SLC4A5: variants seen among roughly 807,000 people sequenced by gnomAD.
SLC4A5 encodes electrogenic sodium bicarbonate cotransporter 4.
In SLC4A5, 96 loss-of-function variants were observed where a neutral mutation model predicts 120.4. That is an observed-to-expected ratio of 0.80 (90% confidence interval 0.68 to 0.94). The LOEUF is 0.94. Ranked by LOEUF, SLC4A5 falls within the 40% of genes least tolerant of loss-of-function variation. SLC4A5 has a pLI of 0.00. For synonymous variants in SLC4A5, 550 were observed against 571.1 expected, an observed-to-expected ratio of 0.96 and a Z score of 0.53; for missense variants, 1,259 against 1,459.5, an observed-to-expected ratio of 0.86 and a Z score of 2.24.
chr2:74,271,016 C>T (rs1412506600), intron 8 of SLC4A5, among the ~76,000 whole-genome samples: 1 of 152,196 alleles, frequency 6.6e-6, no homozygotes, highest in Non-Finnish European at 1.5e-5. Context: ...ATTTACAGTA[C>T]ATATTCTACT....
At chr2:74,334,848 G>A (rs973572240) in intron 3 of SLC4A5, among the ~76,000 whole-genome samples, 38 of 152,148 alleles carry the variant, frequency 2.5e-4, no homozygotes, top group Admixed American at 4.6e-4. Context: ...GGCCCACAGG[G>A]AATAGTTAGT....
At chr2:74,228,731 C>T (rs1452590749) in intron 25 of SLC4A5, among the ~76,000 whole-genome samples, 1 of 136,788 alleles carries the variant, frequency 7.3e-6, no homozygotes, top group East Asian at 2.1e-4. Flanking sequence ...AGAAGCAGAA[C>T]AAAAGTGTGT....
chr2:74,341,795 T>C (rs964658431), intron 2 of SLC4A5, among the ~76,000 whole-genome samples: 1 of 152,210 alleles, frequency 6.6e-6, no homozygotes, highest in Non-Finnish European at 1.5e-5. Context: ...GAAGTAGGCA[T>C]GGATGGTAAT....
At chr2:74,229,696 G>A (rs1573005726) in intron 25 of SLC4A5, among the ~76,000 whole-genome samples, 1 of 152,114 alleles carries the variant, frequency 6.6e-6, no homozygotes, top group East Asian at 1.9e-4. Flanking sequence ...CAAAATGCTT[G>A]CCCTCCTGTG....
exon 22 of SLC4A5, chr2:74,235,104 G>C: frequency 6.2e-7 from 1 of 1,613,450 alleles, no homozygotes; most frequent in Non-Finnish European, 8.5e-7. Context: ...GGCAAACCTT[G>C]ATGACACTGG....
intron 12 of SLC4A5, among the ~76,000 whole-genome samples, chr2:74,258,903 C>T (rs1009555629): frequency 1.3e-5 from 2 of 152,298 alleles, no homozygotes; most frequent in South Asian, 2.1e-4. Context: ...GAAGGCTCCT[C>T]GCCAAGTCTC....
At chr2:74,259,688 T>G in intron 11 of SLC4A5, 45 bp from the exon 12 acceptor site, 2 of 1,601,540 alleles carry the variant, frequency 1.2e-6, no homozygotes, top group Non-Finnish European at 1.7e-6. Flanking sequence ...AGCCAGGCTC[T>G]TGCAGGTCCC....
intron 7 of SLC4A5, among the ~76,000 whole-genome samples, chr2:74,291,462 C>T (rs1038922053): frequency 5.3e-5 from 8 of 152,136 alleles, no homozygotes; most frequent in African/African-American, 1.7e-4. Flanking sequence ...CTTCATTTCA[C>T]GGATGAGAAA....
At chr2:74,236,828 T>C (rs1240222264) in intron 21 of SLC4A5, among the ~76,000 whole-genome samples, 1 of 152,160 alleles carries the variant, frequency 6.6e-6, no homozygotes, top group Non-Finnish European at 1.5e-5. Context: ...CTCTCCAAAT[T>C]GGATGTATCT....
intron 8 of SLC4A5, among the ~76,000 whole-genome samples, chr2:74,281,878 T>C (rs2104145905): frequency 6.6e-6 from 1 of 152,336 alleles, no homozygotes; most frequent in South Asian, 2.1e-4. Context: ...GACATGGGCA[T>C]TGTGGACCAT....
intron 14 of SLC4A5, among the ~76,000 whole-genome samples, chr2:74,254,071 C>T (rs542273054): frequency 6.9e-4 from 105 of 152,230 alleles, no homozygotes; most frequent in Non-Finnish European, 7.9e-4. Flanking sequence ...CCGCAAGCAC[C>T]GCCAGTGAGT....
At chr2:74,342,496 G>C (rs1193921420) in exon 2 of SLC4A5, 1 of 152,256 alleles carries the variant, frequency 6.6e-6, no homozygotes, top group Non-Finnish European at 1.5e-5. Context: ...ACATCCATCA[G>C]CTCATGAGCT....
intron 7 of SLC4A5, among the ~76,000 whole-genome samples, chr2:74,295,628 C>A (rs997955333): frequency 1.3e-5 from 2 of 151,948 alleles, no homozygotes; most frequent in Admixed American, 6.5e-5. Context: ...AGGGAGACTC[C>A]TTCTCAAAAA....
rs188527421 is a variant in SLC4A5, at chr2:74,304,777, G to C, written c.80-97C>G. On this transcript the variant is annotated intron_variant, in intron 6 of 30. Coordinates refer to ENST00000394019, the Ensembl canonical transcript of SLC4A5. ...GTTACAAAGAGATTGGGCTGCAGAA[G>C]CAAAATGGAAGACATGGAGTGCCAG... is the stretch of plus-strand genomic sequence containing the variant. 6.0e-3 allele frequency: 7,454 copies of C among 1,250,970 alleles called. 33 individuals are homozygous for C. The highest frequency in any genetic ancestry group is 7.1e-3 in the Non-Finnish European group (6,398 of 901,570). 77.5% of individuals were successfully genotyped at this position (1,250,970 alleles called of 1,614,324 possible).
chr2:74,274,446 C>T (rs1671577146), intron 8 of SLC4A5, among the ~76,000 whole-genome samples: 1 of 152,210 alleles, frequency 6.6e-6, no homozygotes. Context: ...TATGACTTTG[C>T]ATACCATGTA....
intron 13 of SLC4A5, 55 bp from the exon 14 acceptor site, chr2:74,254,761 G>T: frequency 7.7e-7 from 1 of 1,305,618 alleles, no homozygotes. Context: ...GAGCATGAAA[G>T]TGAGAAGGAA....
chr2:74,307,825 C>T, intron 6 of SLC4A5: 1 of 488,474 alleles, frequency 2.0e-6, no homozygotes, highest in Admixed American at 2.4e-5. Flanking sequence ...CATGCCAGGC[C>T]CCCAGACCCC....
intron 25 of SLC4A5, among the ~76,000 whole-genome samples, chr2:74,228,136 G>A (rs897787211): frequency 1.3e-5 from 2 of 152,182 alleles, no homozygotes; most frequent in African/African-American, 2.4e-5. Flanking sequence ...ACCGTGCGGA[G>A]GCCATGTGGT....
At chr2:74,327,732 A>G (rs1014575757) in intron 5 of SLC4A5, among the ~76,000 whole-genome samples, 3 of 152,166 alleles carry the variant, frequency 2.0e-5, no homozygotes, top group South Asian at 4.1e-4. Context: ...TTGCTACTTC[A>G]TAAGTATTTC....
Sources: gnomAD v4.1 joint callset for allele counts (sites outside exome capture counted in the v4.1 genomes callset) on GRCh38, gnomAD v4.1.1 for gene constraint, MANE v1.5 for transcripts, NCBI Gene and HGNC (gene_info 2026-07-23, HGNC 2026-07-21) for gene names.